Variants in LOXHD1 observed in about 807,000 individuals in gnomAD.
LOXHD1 encodes lipoxygenase homology PLAT domains 1.
A neutral mutation model predicts 248.2 loss-of-function variants in LOXHD1; 205 were observed. The observed-to-expected ratio is 0.83, with a 90% CI of 0.74 to 0.93. LOXHD1 has a LOEUF of 0.93. Ranked by LOEUF, LOXHD1 falls within the 40% of genes least tolerant of loss-of-function variation. The pLI, the probability that LOXHD1 is intolerant of heterozygous loss-of-function variation, is 0.00. For missense variants in LOXHD1, 2,930 were observed against 2,971.6 expected (o/e 0.99, Z 0.33); for synonymous variants, 1,113 against 1,162.8 (o/e 0.96, Z 0.87).
At position 46,534,321 on chromosome 18, in the gene LOXHD1, A is replaced by G. The variant is rs1555672903; in HGVS notation, c.4212+14T>C. On this transcript the variant is annotated intron_variant, in intron 27 of 40. Coordinates refer to ENST00000642948, the MANE Select transcript of LOXHD1 (RefSeq NM_001384474.1). ...GACAAAAGAAACAGCAGGACAGACC[A>G]GTCAACAACTCACGTCTTTATCCGG... 6.5e-7 allele frequency: 1 copy of G among 1,534,930 alleles called. No homozygotes were observed. The highest frequency in any genetic ancestry group is 8.8e-7 in the Non-Finnish European group (1 of 1,131,878).
chr18:46,483,475 T>C lies in LOXHD1; in HGVS notation c.6341+112A>G. On this transcript the variant is annotated intron_variant, in intron 40 of 40. Transcript: ENST00000642948. ...CTAGGCCTCCTGAACAGGGTAATCT[T>C]GACCTTGAAGAAGAGACCTCATCAT... The C allele has an allele frequency of 7.6e-6, 10 of 1,324,498 alleles. No homozygotes were observed. The South Asian group carries it at 1.3e-4, about 17-fold the overall frequency. The allele number at this position is 1,324,498 out of a possible 1,614,324, so 82.0% of individuals were successfully genotyped here.
chr18:46,644,100 T>C (rs780264736), intron 2 of LOXHD1, among the ~76,000 whole-genome samples: 4 of 152,188 alleles, frequency 2.6e-5, no homozygotes, highest in Admixed American at 2.0e-4. Flanking sequence ...TCTGTAATTA[T>C]GAAAAAAGCA....
intron 4 of LOXHD1, among the ~76,000 whole-genome samples, chr18:46,624,633 A>C (rs766186736): frequency 6.6e-6 from 1 of 151,984 alleles, no homozygotes; most frequent in Non-Finnish European, 1.5e-5. Flanking sequence ...CTCATTCTCC[A>C]GACTCTTCCA....
At position 46,477,396 on chromosome 18, in the gene LOXHD1, G is replaced by A; in HGVS notation, c.*76C>T. 6.6e-7 allele frequency: 1 copy of A among 1,522,998 alleles called. No homozygotes were observed. Among genetic ancestry groups the A allele is most frequent in the Middle Eastern group, 1.8e-4 (1 of 5,630 alleles). The allele number at this position is 1,522,998 out of a possible 1,614,324, so 94.3% of individuals were successfully genotyped here. A position where few individuals can be genotyped will look rare whatever the true frequency, so the allele number is the denominator to read the frequency against. On this transcript the variant is annotated 3_prime_UTR_variant, in exon 41 of 41. Coordinates refer to ENST00000642948, the MANE Select transcript of LOXHD1 (RefSeq NM_001384474.1). ...AGTGCCAATGCTAGAGGCTTTGAAG[G>A]GCTGCTGACCGCCAAGGTGGAGGGC...
At position 46,535,714 on chromosome 18, in the gene LOXHD1, G is replaced by A. The variant is rs377197148; in HGVS notation, c.4096-1263C>T. ...GCCCCTGGAGTAGCTGGGATTACAG[G>A]TGCCTGCCACCACGCCCAGCTAAAT... On this transcript the variant is annotated intron_variant, in intron 26 of 40. Transcript: ENST00000642948. Among the ~76,000 whole-genome samples the A allele has an allele frequency of 2.2e-4, 33 of 152,218 alleles. No homozygotes were observed. The East Asian group carries it at 5.6e-3, about 26-fold the overall frequency.
intron 19 of LOXHD1, 31 bp downstream of exon 19, chr18:46,560,052 T>TGGGCCCCCCCCCCCCCCCC: frequency 2.3e-6 from 1 of 441,130 alleles, no homozygotes; most frequent in Non-Finnish European, 3.6e-6. Context: ...GGCCACTCCC[T>TGGGCCCCCCCCCCCCCCCC]CCCCACCCCC....
intron 8 of LOXHD1, among the ~76,000 whole-genome samples, chr18:46,599,729 A>T (rs1197255852): frequency 6.6e-6 from 1 of 152,188 alleles, no homozygotes; most frequent in Non-Finnish European, 1.5e-5. Flanking sequence ...CCAAAGATAG[A>T]TTGGTCAATA....
chr18:46,509,490 G>A, intron 35 of LOXHD1: 1 of 611,028 alleles, frequency 1.6e-6, no homozygotes, highest in Non-Finnish European at 3.0e-6. Flanking sequence ...CCTGACAGTT[G>A]CTTCAGTTCT....
In LOXHD1 at chr18:46,483,699, T is replaced by C. The variant is rs563899816; in HGVS notation, c.6229A>G (p.Ile2077Val). The part of the protein sequence containing the change: ...FEFDSIYLGD[I>V]ASLCVGHLAR... Reference sequence around the variant, plus strand: ...AGGTGGCCCACACAGAGGGAGGCAATGTCCCCCAAGTAGATGCTGTCAAAC... The same window carrying C: ...AGGTGGCCCACACAGAGGGAGGCAACGTCCCCCAAGTAGATGCTGTCAAAC... Residue 2077 changes from isoleucine to valine, a missense_variant, in exon 40 of 41, where the codon ATT becomes GTT. Coordinates refer to ENST00000642948, the MANE Select transcript of LOXHD1 (RefSeq NM_001384474.1). 4 of 1,551,692 alleles carry C rather than the reference T, an allele frequency of 2.6e-6. No individual in the cohort carries two copies. Among genetic ancestry groups the C allele is most frequent in the South Asian group, 1.2e-5 (1 of 84,042 alleles).
chr18:46,483,885 G>C (rs2032805372), intron 39 of LOXHD1, 140 bp from the exon 40 acceptor site: 5 of 961,232 alleles, frequency 5.2e-6, no homozygotes, highest in South Asian at 1.7e-5. Context: ...GGCAGTCCTG[G>C]AGGCTTTGAG....
In LOXHD1 at chr18:46,535,823, G is replaced by A. The variant is rs113922834; in HGVS notation, c.4096-1372C>T. Reference sequence around the variant, plus strand: ...TGACCTCAGGTGATCCACCCACCTCGGCCTCCCAAAGTGCTGGCATTACAG... The same window carrying A: ...TGACCTCAGGTGATCCACCCACCTCAGCCTCCCAAAGTGCTGGCATTACAG... On this transcript the variant is annotated intron_variant, in intron 26 of 40. Transcript: ENST00000642948. Among the ~76,000 whole-genome samples, 8 of 152,220 alleles carry A rather than the reference G, an allele frequency of 5.3e-5. 1 individual carries two copies. In the South Asian group the frequency reaches 8.3e-4, roughly 16 times the overall value.
chr18:46,633,331 T>G (rs959705660), intron 4 of LOXHD1, among the ~76,000 whole-genome samples: 1 of 152,122 alleles, frequency 6.6e-6, no homozygotes, highest in Admixed American at 6.5e-5. Flanking sequence ...ATATATATAG[T>G]CAAATAATTT....
At chr18:46,621,465 G>A (rs1297170848) in intron 4 of LOXHD1, among the ~76,000 whole-genome samples, 2 of 152,222 alleles carry the variant, frequency 1.3e-5, no homozygotes, top group Non-Finnish European at 2.9e-5. Context: ...GCCGATGAGA[G>A]AACAAGGCTG....
intron 27 of LOXHD1, among the ~76,000 whole-genome samples, chr18:46,534,125 C>A (rs986367244): frequency 2.0e-5 from 3 of 152,124 alleles, no homozygotes; most frequent in African/African-American, 7.2e-5. Context: ...TGCCCAGACC[C>A]TCCTCCTCAA....
Position 46,560,405 on chromosome 18 carries a change from C to T in LOXHD1, c.2739G>A (p.Glu913=), listed in dbSNP as rs1233113215. The T allele has an allele frequency of 6.5e-6, 10 of 1,550,188 alleles. No individual in the cohort carries two copies. The highest frequency in any genetic ancestry group is 1.7e-4 in the Middle Eastern group (1 of 6,016). The part of the protein sequence containing the change: ...VREVDLTPEE[E]ARKKKEKDKL... ...TGTCCTTCTCCTTCTTCTTCCGGGC[C>T]TCCTCCTCCGGCGTGAGGTCCACCT... The change falls in exon 19 of 41, where the codon GAG becomes GAA. Residue 913 remains glutamate, a synonymous_variant. Coordinates refer to ENST00000642948, the MANE Select transcript of LOXHD1 (RefSeq NM_001384474.1).
intron 8 of LOXHD1, among the ~76,000 whole-genome samples, chr18:46,594,791 C>A (rs571964583): frequency 3.4e-4 from 51 of 152,186 alleles, no homozygotes; most frequent in Non-Finnish European, 4.3e-4. Context: ...AACTAGACTA[C>A]TAGGTTAATT....
chr18:46,531,949 C>A (rs1254913729), intron 28 of LOXHD1, among the ~76,000 whole-genome samples: 1 of 152,190 alleles, frequency 6.6e-6, no homozygotes, highest in Non-Finnish European at 1.5e-5. Context: ...TTCTGGGCGA[C>A]AACTCAGGTT....
chr18:46,482,633 G>A (rs2032673430), intron 40 of LOXHD1, among the ~76,000 whole-genome samples: 1 of 152,214 alleles, frequency 6.6e-6, no homozygotes. Context: ...CAAATCCAGG[G>A]AGCTGCAGGT....
intron 21 of LOXHD1, among the ~76,000 whole-genome samples, chr18:46,552,606 C>T (rs1254313813): frequency 2.6e-5 from 4 of 152,176 alleles, no homozygotes; most frequent in East Asian, 3.9e-4. Context: ...GGGGTGACTT[C>T]GCAGGGAGCC....
Sources: allele counts gnomAD v4.1 joint callset (sites outside exome capture counted in the v4.1 genomes callset), GRCh38; gene constraint gnomAD v4.1.1; transcripts MANE v1.5; gene names NCBI Gene and HGNC (gene_info 2026-07-23, HGNC 2026-07-21).